Variants in LLGL2 observed in about 807,000 individuals in gnomAD.
The protein encoded by LLGL2 is LLGL2, scribble cell polarity complex component.
In LLGL2, 81 loss-of-function variants were observed where a neutral mutation model predicts 123.2. The ratio of observed to expected loss-of-function variants is 0.66; its 90% CI spans 0.55 to 0.79. The LOEUF (loss-of-function observed/expected upper bound fraction) is 0.79, where lower values mean the gene tolerates loss of function less well. Ranked by LOEUF, LLGL2 falls within the 30% of genes least tolerant of loss-of-function variation. The probability of loss-of-function intolerance (pLI) is 0.00; values close to 1 mark genes in which losing one functional copy is unlikely to be tolerated. For missense variants in LLGL2, 1,273 were observed against 1,414.6 expected (o/e 0.90, Z 1.61); for synonymous variants, 577 against 594.1 (o/e 0.97, Z 0.42).
chr17:75,560,427 G>A (rs987320513), intron 6 of LLGL2, among the ~76,000 whole-genome samples: 9 of 75,568 alleles, frequency 1.2e-4, no homozygotes, highest in South Asian at 3.0e-4. Context: ...TCTAGTCGGC[G>A]GGGGGGCCCA....
At position 75,544,063 on chromosome 17, in the gene LLGL2, A is replaced by G. The variant is rs1411851472; in HGVS notation, c.75+562A>G. ...AATGAGCCGGAGTTGGCCTCGGACT[A>G]CCCCAATCCCAAACCTGTATCCGGG... On this transcript the variant is annotated intron_variant, in intron 2 of 25. Transcript: ENST00000392550. This position sits in a 1 kb window ranked among gnomAD's most constrained non-coding sequence, Gnocchi z 4.2. Among the ~76,000 whole-genome samples, 1 of 152,006 alleles carries G rather than the reference A, an allele frequency of 6.6e-6. No individual in the cohort carries two copies. Among genetic ancestry groups the G allele is most frequent in the Non-Finnish European group, 1.5e-5 (1 of 67,976 alleles).
chr17:75,573,397 G>A, intron 20 of LLGL2, 84 bp from the exon 21 acceptor site: 1 of 1,561,178 alleles, frequency 6.4e-7, no homozygotes, highest in Non-Finnish European at 8.7e-7. Context: ...AACTGCGAGG[G>A]AGCACTAGCC....
intron 2 of LLGL2, among the ~76,000 whole-genome samples, chr17:75,548,811 T>C (rs1258523904): frequency 6.6e-6 from 1 of 151,556 alleles, no homozygotes; most frequent in Non-Finnish European, 1.5e-5. Flanking sequence ...TCTGGTCTCC[T>C]ACAGTGGTAT....
rs367870566 is a variant in LLGL2, at chr17:75,573,289, C to G, written c.2725+11C>G. ...CCAAATATGGCCAAGGTGTTTGAGC[C>G]GGGCTGGGTGGGTGTCGGGGCCCCG... On this transcript the variant is annotated intron_variant, in intron 20 of 25. Transcript: ENST00000392550. 11 of 1,587,820 alleles carry G rather than the reference C, an allele frequency of 6.9e-6. No homozygotes were observed. The highest frequency in any genetic ancestry group is 1.7e-4 in the Middle Eastern group (1 of 5,964).
rs749804539 is a variant in LLGL2 at position 75,573,592 on chromosome 17, G to GT, written c.2838dup (p.Asn947Ter). The GT allele has an allele frequency of 3.1e-6, 5 of 1,612,042 alleles. No individual in the cohort carries two copies. The Admixed American group carries it at 8.3e-5, about 27-fold the overall frequency. On this transcript the variant is annotated frameshift_variant, in exon 21 of 26. Coordinates refer to ENST00000392550, the MANE Select transcript of LLGL2 (RefSeq NM_001031803.2). LOFTEE classifies it high-confidence loss of function. ...GCAGAAACCAAGAACCACCGCCCTG[G>GT]TAACGGTGCGGGCCCCAAGAAGGCC...
Position 75,574,335 on chromosome 17 carries a change from G to GT in LLGL2, c.2953+75_2953+76insT, listed in dbSNP as rs2055875402. The GT allele has an allele frequency of 2.0e-6, 3 of 1,526,918 alleles. No homozygotes were observed. The East Asian group carries it at 7.4e-5, about 37-fold the overall frequency. 94.6% of individuals were successfully genotyped at this position (1,526,918 alleles called of 1,614,324 possible). ...GGTCAGGGTCAAGGGAGGCTGGGCAGGCCACTGCCCTGAGGCGGGGTACAG... is the reference window on the plus strand; with the variant it reads ...GGTCAGGGTCAAGGGAGGCTGGGCAGTGCCACTGCCCTGAGGCGGGGTACAG... On this transcript the variant is annotated intron_variant, in intron 23 of 25. Coordinates refer to ENST00000392550, the MANE Select transcript of LLGL2 (RefSeq NM_001031803.2).
rs1198666858 is a variant in LLGL2, at chr17:75,557,200, C to T, written c.174-955C>T. Among the ~76,000 whole-genome samples, 3 of 152,048 alleles carry T rather than the reference C, an allele frequency of 2.0e-5. No individual in the cohort carries two copies. The East Asian group carries it at 5.8e-4, about 29-fold the overall frequency. On this transcript the variant is annotated intron_variant, in intron 3 of 25. Coordinates refer to ENST00000392550, the MANE Select transcript of LLGL2 (RefSeq NM_001031803.2). ...CCAGCCTGCAGTTTTGTTTTTTAAC[C>T]TATCTCGATAAGAATCAGAGGTGGA... is the stretch of plus-strand genomic sequence containing the variant.
chr17:75,534,944 A>G (rs891281305), intron 1 of LLGL2, among the ~76,000 whole-genome samples: 1 of 152,250 alleles, frequency 6.6e-6, no homozygotes, highest in Non-Finnish European at 1.5e-5. Context: ...AGCGGGGACG[A>G]CAGTCCTCCA....
intron 1 of LLGL2, among the ~76,000 whole-genome samples, chr17:75,538,867 C>G (rs962265723): frequency 3.3e-5 from 5 of 152,112 alleles, no homozygotes; most frequent in African/African-American, 4.8e-5. Context: ...AGCCTAGTTG[C>G]TGGATCTTCG....
intron 19 of LLGL2, 149 bp from the exon 20 acceptor site, chr17:75,572,865 C>T: frequency 1.1e-6 from 1 of 914,238 alleles, no homozygotes; most frequent in Non-Finnish European, 1.6e-6. Flanking sequence ...GTGACCTCGG[C>T]ATCCTCCCAG....
Position 75,558,055 on chromosome 17 carries a change from C to G in LLGL2, c.174-100C>G. The stretch of plus-strand genomic sequence containing the variant: ...TGCCTCGGGGGAGGGCAGCCCCTCT[C>G]TGTGTTTGCATCATTGCACATGGGC... On this transcript the variant is annotated intron_variant, in intron 3 of 25. Coordinates refer to ENST00000392550, the MANE Select transcript of LLGL2 (RefSeq NM_001031803.2). This position sits in a 1 kb window ranked among gnomAD's most constrained non-coding sequence, Gnocchi z 4.0. 2 of 1,136,958 alleles carry G rather than the reference C, an allele frequency of 1.8e-6. No homozygotes were observed. The highest frequency in any genetic ancestry group is 2.7e-6 in the Non-Finnish European group (2 of 749,060). The allele number at this position is 1,136,958 out of a possible 1,614,324, so 70.4% of individuals were successfully genotyped here.
intron 17 of LLGL2, 75 bp downstream of exon 17, chr17:75,571,175 G>A (rs1812322797): frequency 7.1e-7 from 1 of 1,411,280 alleles, no homozygotes; most frequent in Non-Finnish European, 9.8e-7. Context: ...GGCATGCCGG[G>A]GGCTGCTGCC....
At chr17:75,573,810 T>A in intron 21 of LLGL2, 142 bp from the exon 22 acceptor site, 1 of 1,231,344 alleles carries the variant, frequency 8.1e-7, no homozygotes, top group Non-Finnish European at 1.2e-6. Flanking sequence ...AAGCTGGCAG[T>A]CCAGGGCAGG....
intron 3 of LLGL2, among the ~76,000 whole-genome samples, chr17:75,557,034 CTTTTTTTTTT>C (rs55649536): frequency 1.8e-5 from 2 of 109,890 alleles, no homozygotes; most frequent in Admixed American, 9.9e-5. Context: ...GTCTCAAAAA[CTTTTTTTTTT>C]TTTTTTTTTT....
Position 75,559,408 on chromosome 17 carries a change from G to A in LLGL2, c.528G>A (p.Gln176=). 1 of 1,605,682 alleles carries A rather than the reference G, an allele frequency of 6.2e-7. No individual in the cohort carries two copies. Among genetic ancestry groups the A allele is most frequent in the Non-Finnish European group, 8.5e-7 (1 of 1,176,598 alleles). Reference sequence around the variant, plus strand: ...CCATCAGCTCGGACGCGGTGCTGCAGCGGTGAGCCCAGAGCCCAGCTGCTG... The same window carrying A: ...CCATCAGCTCGGACGCGGTGCTGCAACGGTGAGCCCAGAGCCCAGCTGCTG... ...DRTISSDAVL[Q]RLPEEARHRR... The change falls in exon 6 of 26, where the codon CAG becomes CAA. Residue 176 remains glutamine, a splice_region_variant and synonymous_variant. Coordinates refer to ENST00000392550, the MANE Select transcript of LLGL2 (RefSeq NM_001031803.2). This position sits in a 1 kb window ranked among gnomAD's most constrained non-coding sequence, Gnocchi z 4.6.
intron 1 of LLGL2, chr17:75,543,162 C>T (rs1406030521): frequency 3.2e-6 from 1 of 313,876 alleles, no homozygotes; most frequent in Non-Finnish European, 5.8e-6. Flanking sequence ...CCAGCTTTTC[C>T]TACCCCCATT....
At position 75,549,485 on chromosome 17, in the gene LLGL2, C is replaced by T. The variant is rs1238213067; in HGVS notation, c.75+5984C>T. Among the ~76,000 whole-genome samples the T allele has an allele frequency of 2.1e-5, 3 of 145,850 alleles. No individual in the cohort carries two copies. Among genetic ancestry groups the T allele is most frequent in the African/African-American group, 7.4e-5 (3 of 40,600 alleles). On this transcript the variant is annotated intron_variant, in intron 2 of 25. Transcript: ENST00000392550. This position sits in a 1 kb window ranked among gnomAD's most constrained non-coding sequence, Gnocchi z 4.0. ...TCTGTCCCCTTAGGCCCTGAACAAA[C>T]AGTGTGTTCCTGACCCAGCAGCCCC...
chr17:75,561,362 G>A (rs1305561588), intron 6 of LLGL2, among the ~76,000 whole-genome samples: 1 of 152,114 alleles, frequency 6.6e-6, no homozygotes, highest in African/African-American at 2.4e-5. Flanking sequence ...ATATCTAGAT[G>A]GACACAGTTG....
chr17:75,530,802 C>T (rs2053758107), intron 1 of LLGL2, among the ~76,000 whole-genome samples: 2 of 152,150 alleles, frequency 1.3e-5, no homozygotes, highest in East Asian at 1.9e-4. Context: ...CAGAGTGAGA[C>T]TCTAACTCAA....
Sources: allele counts gnomAD v4.1 joint callset (sites outside exome capture counted in the v4.1 genomes callset), GRCh38; gene constraint gnomAD v4.1.1; non-coding constraint Gnocchi (gnomAD v3.1); transcripts MANE v1.5; gene names NCBI Gene and HGNC (gene_info 2026-07-23, HGNC 2026-07-21).